The following CPAMD8 variants were observed in gnomAD, a reference collection of about 807,000 sequenced individuals.
The protein encoded by CPAMD8 is C3 and PZP like alpha-2-macroglobulin domain containing 8, also known as C3 and PZP-like alpha-2-macroglobulin domain-containing protein 8.
In CPAMD8, 146 loss-of-function variants were observed where a neutral mutation model predicts 224.7. The observed-to-expected ratio is 0.65, with a 90% CI of 0.57 to 0.75. CPAMD8 has a LOEUF of 0.75. CPAMD8 is among the 30% of genes least tolerant of loss of function. CPAMD8 has a pLI of 0.00. For synonymous variants in CPAMD8, 966 were observed against 1,044.6 expected (o/e 0.92, Z 1.45); for missense variants, 2,301 against 2,537.5 (o/e 0.91, Z 2.00).
chr19:17,007,225 T>C (rs899929791), intron 7 of CPAMD8, among the ~76,000 whole-genome samples: 41 of 152,032 alleles, frequency 2.7e-4, no homozygotes, highest in Non-Finnish European at 5.4e-4. Flanking sequence ...TCCCAGCTAC[T>C]TGGGAAGCTG....
intron 29 of CPAMD8, among the ~76,000 whole-genome samples, chr19:16,912,661 G>A (rs1218432915): frequency 3.9e-5 from 6 of 152,056 alleles, no homozygotes; most frequent in Non-Finnish European, 8.8e-5. Flanking sequence ...AAGCTGCCAT[G>A]CCATGGATCC....
At chr19:16,935,175 G>A (rs1032032279) in intron 23 of CPAMD8, among the ~76,000 whole-genome samples, 11 of 152,028 alleles carry the variant, frequency 7.2e-5, no homozygotes, top group African/African-American at 2.4e-4. Flanking sequence ...CTCTGTACCC[G>A]TTTCCCCCTC....
intron 18 of CPAMD8, among the ~76,000 whole-genome samples, chr19:16,969,790 C>T (rs2054983043): frequency 6.8e-6 from 1 of 146,308 alleles, no homozygotes; most frequent in Admixed American, 7.0e-5. Flanking sequence ...AGGAGAATCA[C>T]TTGAATCTGG....
intron 41 of CPAMD8, 83 bp from the exon 42 acceptor site, chr19:16,893,422 G>T: frequency 1.0e-6 from 1 of 965,032 alleles, no homozygotes; most frequent in South Asian, 1.7e-5. Flanking sequence ...CACAGGGCCT[G>T]TCGCTTGTAG....
In CPAMD8 at chr19:17,025,103, G is replaced by A. The variant is rs1399313871; in HGVS notation, c.92+1448C>T. 2.6e-5 allele frequency among the ~76,000 whole-genome samples: 4 copies of A among 152,168 alleles called. No individual in the cohort carries two copies. The East Asian group carries it at 7.7e-4, about 29-fold the overall frequency. On this transcript the variant is annotated intron_variant, in intron 1 of 41. Coordinates refer to ENST00000443236, the MANE Select transcript of CPAMD8 (RefSeq NM_015692.5). ...GACTTTAGTCAGAGGAAAACGCCCT[G>A]GAGAACTGTTTAAAACTCTCTAACG...
chr19:16,901,170 A>C lies in CPAMD8; in HGVS notation c.4773+40T>G, dbSNP rs766121198. Reference sequence around the variant, plus strand: ...GGTGCCTAAGCCCTACCTATTGTTCAGAGATCCCTGCCCACCGCTGCTCAC... The same window carrying C: ...GGTGCCTAAGCCCTACCTATTGTTCCGAGATCCCTGCCCACCGCTGCTCAC... On this transcript the variant is annotated intron_variant, in intron 36 of 41. Transcript: ENST00000443236. 4.1e-6 allele frequency: 6 copies of C among 1,468,690 alleles called. No homozygotes were observed. In the South Asian group the frequency reaches 7.3e-5, roughly 18 times the overall value. 91.0% of individuals were successfully genotyped at this position (1,468,690 alleles called of 1,614,324 possible).
intron 13 of CPAMD8, among the ~76,000 whole-genome samples, chr19:16,981,977 C>T (rs1199439713): frequency 2.0e-5 from 3 of 152,206 alleles, no homozygotes; most frequent in African/African-American, 7.2e-5. Context: ...TCATTCTGGC[C>T]AGGGGCCATG....
chr19:16,990,031 C>G (rs747905075), intron 12 of CPAMD8, among the ~76,000 whole-genome samples: 1 of 152,200 alleles, frequency 6.6e-6, no homozygotes, highest in African/African-American at 2.4e-5. Flanking sequence ...GCAGGTGGAT[C>G]ACCTGAGGCC....
chr19:16,911,533 GTATTTT>G (rs2052727949), intron 29 of CPAMD8, among the ~76,000 whole-genome samples: 1 of 148,990 alleles, frequency 6.7e-6, no homozygotes, highest in East Asian at 2.0e-4. Flanking sequence ...GCTAATTTTT[GTATTTT>G]TATTTTTATT....
chr19:16,929,212 CTTG>C lies in CPAMD8; in HGVS notation c.2871_2873del (p.Asn957del), dbSNP rs2053473021. 6.2e-7 allele frequency: 1 copy of C among 1,608,546 alleles called. No homozygotes were observed. Among genetic ancestry groups the C allele is most frequent in the African/African-American group, 1.3e-5 (1 of 74,842 alleles). The stretch of plus-strand genomic sequence containing the variant: ...GCCGCTGCACATACTGGAACTCATA[CTTG>C]TTGGGGGTGGAGATGTGGACTCTCT... On this transcript the variant is annotated inframe_deletion, in exon 24 of 42. Transcript: ENST00000443236.
intron 13 of CPAMD8, among the ~76,000 whole-genome samples, chr19:16,988,247 G>A (rs2055814944): frequency 6.6e-6 from 1 of 152,216 alleles, no homozygotes; most frequent in Non-Finnish European, 1.5e-5. Flanking sequence ...TCTGGGTGCA[G>A]TGGTGCCCTG....
intron 23 of CPAMD8, 88 bp downstream of exon 23, chr19:16,938,307 A>G (rs2053765588): frequency 1.6e-6 from 1 of 642,054 alleles, no homozygotes; most frequent in East Asian, 3.2e-5. Flanking sequence ...GCAGCGGGAC[A>G]GCCCCCACAG....
intron 26 of CPAMD8, among the ~76,000 whole-genome samples, chr19:16,923,854 G>A (rs2053262432): frequency 6.6e-6 from 1 of 152,146 alleles, no homozygotes; most frequent in Non-Finnish European, 1.5e-5. Flanking sequence ...TACTCAGGAG[G>A]CTGAGGTGGG....
At chr19:16,985,349 A>T (rs971720100) in intron 13 of CPAMD8, among the ~76,000 whole-genome samples, 3 of 150,806 alleles carry the variant, frequency 2.0e-5, no homozygotes. Flanking sequence ...GGGCGGATGG[A>T]TGGATGGATG....
At position 16,967,882 on chromosome 19, in the gene CPAMD8, TAC is replaced by T. The variant is rs1192900189; in HGVS notation, c.2213+3007_2213+3008del. 8.4e-5 allele frequency among the ~76,000 whole-genome samples: 8 copies of T among 95,122 alleles called. 2 individuals carry two copies. The highest frequency in any genetic ancestry group is 3.0e-4 in the African/African-American group (7 of 23,404). The allele number at this position is 95,122 out of a possible 152,430, so 62.4% of individuals were successfully genotyped here. On this transcript the variant is annotated intron_variant, in intron 18 of 41. Transcript: ENST00000443236. ...ATATACTTGTATATATGTGCATATA[TAC>T]ACACACATGTGTGTGTATATATGTG...
intron 22 of CPAMD8, among the ~76,000 whole-genome samples, chr19:16,941,121 C>A (rs1041262686): frequency 3.1e-4 from 47 of 152,216 alleles, no homozygotes; most frequent in Admixed American, 2.3e-3. Context: ...TTAGTAGAGA[C>A]GGGGTTTCAC....
Position 16,977,520 on chromosome 19 carries a change from C to T in CPAMD8, c.1606G>A (p.Ala536Thr), listed in dbSNP as rs768158422. The change falls in exon 15 of 42, where the codon GCT (alanine) becomes ACT (threonine). Residue 536 changes from alanine to threonine, a missense_variant. Physicochemically the swap from Ala to Thr is moderately conservative, Grantham distance 58. Coordinates refer to ENST00000443236, the MANE Select transcript of CPAMD8 (RefSeq NM_015692.5). ...SETEPPPAPE[A>T]EVDVCVTSLH... The stretch of plus-strand genomic sequence containing the variant: ...GAGGTCACACACACGTCGACCTCAG[C>T]TTCTGGGGCTGGTGGGGGCTCTGAG... 2 of 1,598,500 alleles carry T rather than the reference C, an allele frequency of 1.3e-6. No individual in the cohort carries two copies. The highest frequency in any genetic ancestry group is 3.6e-5 in the Admixed American group (2 of 56,106).
intron 5 of CPAMD8, 88 bp from the exon 6 acceptor site, chr19:17,009,408 G>T: frequency 4.4e-6 from 7 of 1,607,192 alleles, no homozygotes; most frequent in Non-Finnish European, 6.0e-6. Context: ...CGGTCCCCGG[G>T]ACAGGCAGTC....
intron 14 of CPAMD8, among the ~76,000 whole-genome samples, chr19:16,978,255 T>A (rs10413915): frequency 6.6e-6 from 1 of 151,772 alleles, no homozygotes; most frequent in Non-Finnish European, 1.5e-5. Context: ...GGTTCAAATC[T>A]TGGCTCTGGC....
Sources: gnomAD v4.1 joint callset for allele counts (sites outside exome capture counted in the v4.1 genomes callset) on GRCh38, gnomAD v4.1.1 for gene constraint, MANE v1.5 for transcripts, NCBI Gene and HGNC (gene_info 2026-07-23, HGNC 2026-07-21) for gene names.